PRKCA: variants seen among roughly 807,000 people sequenced by gnomAD.
PRKCA encodes protein kinase C alpha type.
In PRKCA, 27 loss-of-function variants were observed where a neutral mutation model predicts 87.0. That is an observed-to-expected ratio of 0.31 (90% CI 0.23 to 0.43). The LOEUF is 0.43. Ranked by LOEUF, PRKCA falls within the 20% of genes least tolerant of loss-of-function variation. The pLI is 1.00. For missense variants in PRKCA, 518 were observed against 852.3 expected (o/e 0.61, Z 4.88); for synonymous variants, 329 against 311.1 (o/e 1.06, Z -0.61).
Position 66,810,121 on chromosome 17 carries a change from T to G in PRKCA, c.*6084T>G, listed in dbSNP as rs1238932752. The G allele has an allele frequency of 6.6e-6, 1 of 152,196 alleles. No homozygotes were observed. Among genetic ancestry groups the G allele is most frequent in the African/African-American group, 2.4e-5 (1 of 41,452 alleles). The allele number at this position is 152,196 out of a possible 1,614,324, so 9.4% of individuals were successfully genotyped here. ...TGTCAAGTCCACTTTATAAGAACCT[T>G]TTTTTCTAAAATAAGATAAAAGGTG... On this transcript the variant is annotated 3_prime_UTR_variant, in exon 17 of 17. Coordinates refer to ENST00000413366, the MANE Select transcript of PRKCA (RefSeq NM_002737.3).
intron 13 of PRKCA, among the ~76,000 whole-genome samples, chr17:66,770,887 CGT>C (rs1974918780): frequency 6.6e-6 from 1 of 151,968 alleles, no homozygotes; most frequent in Admixed American, 6.6e-5. Context: ...TGAAGATGCA[CGT>C]GTCTGGGAAG....
intron 2 of PRKCA, among the ~76,000 whole-genome samples, chr17:66,395,691 A>T (rs1294869008): frequency 6.6e-6 from 1 of 152,198 alleles, no homozygotes; most frequent in Non-Finnish European, 1.5e-5. Flanking sequence ...ATCAAGGTAA[A>T]TTATTATTTT....
intron 3 of PRKCA, among the ~76,000 whole-genome samples, chr17:66,525,280 A>G (rs898332649): frequency 1.3e-5 from 2 of 152,216 alleles, no homozygotes; most frequent in African/African-American, 4.8e-5. Context: ...TCACCAGCTT[A>G]AAGTCTCAAG....
rs184115566 is a variant in PRKCA at position 66,665,443 on chromosome 17, G to A, written c.529+19932G>A. ...CCATCCTCCCAACACCCTGCACAGT[G>A]GAGATGCCCTGAGAAGGGAGCATCG... On this transcript the variant is annotated intron_variant, in intron 5 of 16. Coordinates refer to ENST00000413366, the MANE Select transcript of PRKCA (RefSeq NM_002737.3). Among the ~76,000 whole-genome samples the A allele has an allele frequency of 1.4e-3, 212 of 152,308 alleles. 1 individual carries two copies. The highest frequency in any genetic ancestry group is 9.7e-4 in the East Asian group (5 of 5,176).
intron 5 of PRKCA, among the ~76,000 whole-genome samples, chr17:66,663,417 G>T (rs915834735): frequency 2.6e-5 from 4 of 152,186 alleles, no homozygotes; most frequent in Non-Finnish European, 4.4e-5. Flanking sequence ...AATCTCCTGG[G>T]TTATTTCAGT....
chr17:66,304,518 G>A (rs1904696318), intron 1 of PRKCA, among the ~76,000 whole-genome samples: 1 of 152,152 alleles, frequency 6.6e-6, no homozygotes, highest in Admixed American at 6.5e-5. Context: ...GAGCTGCACA[G>A]GGTGGCAGTC....
intron 2 of PRKCA, among the ~76,000 whole-genome samples, chr17:66,413,309 G>T (rs1235265912): frequency 6.6e-6 from 1 of 152,184 alleles, no homozygotes; most frequent in Admixed American, 6.5e-5. Flanking sequence ...CAGCCAGAAG[G>T]AAGAGATGCA....
chr17:66,536,293 TTACTC>T (rs1967779731), intron 3 of PRKCA, among the ~76,000 whole-genome samples: 1 of 152,222 alleles, frequency 6.6e-6, no homozygotes, highest in African/African-American at 2.4e-5. Context: ...TCCCTGAACT[TTACTC>T]TGTCCGGTTC....
At chr17:66,356,211 A>T (rs11079653) in intron 2 of PRKCA, among the ~76,000 whole-genome samples, 117,580 of 151,794 alleles carry the variant, frequency 0.77, 46,389 homozygotes, top group South Asian at 0.85. Flanking sequence ...GATTTTTTTT[A>T]AATCTAGTTT....
At chr17:66,641,715 C>T (rs1432377971) in intron 4 of PRKCA, among the ~76,000 whole-genome samples, 1 of 149,888 alleles carries the variant, frequency 6.7e-6, no homozygotes, top group African/African-American at 2.4e-5. Context: ...TGGGTGCTGT[C>T]ACTTTTTTTT....
At chr17:66,409,009 G>C (rs192899040) in intron 2 of PRKCA, among the ~76,000 whole-genome samples, 20 of 116,686 alleles carry the variant, frequency 1.7e-4, no homozygotes, top group Non-Finnish European at 3.1e-4. Flanking sequence ...CTGAGATCAC[G>C]TCATCGCACT....
At chr17:66,757,047 A>G (rs1284597756) in intron 13 of PRKCA, among the ~76,000 whole-genome samples, 1 of 152,346 alleles carries the variant, frequency 6.6e-6, no homozygotes, top group Admixed American at 6.5e-5. Context: ...ACAGATGGGC[A>G]GTGTTAAGCA....
chr17:66,491,586 A>G, intron 2 of PRKCA, among the ~76,000 whole-genome samples: 1 of 152,148 alleles, frequency 6.6e-6, no homozygotes, highest in Non-Finnish European at 1.5e-5. Flanking sequence ...TTCATATACC[A>G]TGGTGAGATG....
At chr17:66,610,896 G>A (rs568566105) in intron 3 of PRKCA, among the ~76,000 whole-genome samples, 1 of 152,154 alleles carries the variant, frequency 6.6e-6, no homozygotes, top group Non-Finnish European at 1.5e-5. Flanking sequence ...TCAGGGTGCA[G>A]CAAGAGCAGG....
At chr17:66,397,984 G>A (rs1036300338) in intron 2 of PRKCA, 2 of 152,102 alleles carry the variant, frequency 1.3e-5, no homozygotes, top group African/African-American at 4.8e-5. Context: ...CATCACTGAG[G>A]ATTTTTTGAG....
chr17:66,523,407 G>C (rs1255853294), intron 3 of PRKCA, among the ~76,000 whole-genome samples: 1 of 152,162 alleles, frequency 6.6e-6, no homozygotes, highest in Non-Finnish European at 1.5e-5. Flanking sequence ...ATGACCTTGA[G>C]CAGGGCATTT....
intron 3 of PRKCA, among the ~76,000 whole-genome samples, chr17:66,629,637 G>C (rs534881443): frequency 6.6e-6 from 1 of 152,064 alleles, no homozygotes; most frequent in Non-Finnish European, 1.5e-5. Context: ...TCCAACTATG[G>C]TATTGGAACT....
intron 2 of PRKCA, among the ~76,000 whole-genome samples, chr17:66,356,502 T>G (rs891574495): frequency 1.3e-5 from 2 of 151,872 alleles, no homozygotes; most frequent in African/African-American, 4.8e-5. Context: ...GGGCGTGGTG[T>G]CGGGTGCCTG....
intron 3 of PRKCA, among the ~76,000 whole-genome samples, chr17:66,585,269 A>G (rs756666678): frequency 3.3e-5 from 5 of 152,130 alleles, no homozygotes; most frequent in Admixed American, 6.6e-5. Flanking sequence ...TGGTTGACAG[A>G]AGGGAAGATG....
Sources: gnomAD v4.1 joint callset for allele counts (sites outside exome capture counted in the v4.1 genomes callset) on GRCh38, gnomAD v4.1.1 for gene constraint, MANE v1.5 for transcripts, NCBI Gene and HGNC (gene_info 2026-07-23, HGNC 2026-07-21) for gene names.